RGS7: variants seen among roughly 807,000 people sequenced by gnomAD.
The protein encoded by RGS7 is regulator of G-protein signaling 7.
Under a neutral mutation model 81.1 loss-of-function variants are expected in RGS7, and 27 were observed. That is an observed-to-expected ratio of 0.33 (90% confidence interval 0.25 to 0.46). The LOEUF (loss-of-function observed/expected upper bound fraction) is 0.46, where lower values mean the gene tolerates loss of function less well. Among genes scored for constraint, RGS7 ranks in the 20% least tolerant of loss-of-function variants. RGS7 has a pLI of 1.00. For missense variants in RGS7, 396 were observed against 607.4 expected, an observed-to-expected ratio of 0.65 and a Z score of 3.66; for synonymous variants, 208 against 207.7, an observed-to-expected ratio of 1.00 and a Z score of -0.01.
intron 3 of RGS7, among the ~76,000 whole-genome samples, chr1:240,992,186 A>T (rs1375185628): frequency 6.6e-6 from 1 of 152,200 alleles, no homozygotes; most frequent in Non-Finnish European, 1.5e-5. Context: ...GATTGACAAA[A>T]TGAATGCACT....
intron 4 of RGS7, among the ~76,000 whole-genome samples, chr1:240,956,116 T>C (rs893707756): frequency 1.3e-5 from 2 of 152,154 alleles, no homozygotes; most frequent in Admixed American, 1.3e-4. Flanking sequence ...ACCAGAACAG[T>C]GGAAACACTT....
chr1:241,301,339 T>C (rs1442247781), intron 2 of RGS7, among the ~76,000 whole-genome samples: 2 of 152,240 alleles, frequency 1.3e-5, no homozygotes, highest in Non-Finnish European at 2.9e-5. Flanking sequence ...TGTAAAAGCA[T>C]CAAACGAGTT....
intron 2 of RGS7, among the ~76,000 whole-genome samples, chr1:241,287,503 C>T (rs911709334): frequency 3.3e-5 from 5 of 152,184 alleles, no homozygotes; most frequent in Admixed American, 6.5e-5. Context: ...TGAGGCTTCC[C>T]CAGCCATGTG....
chr1:241,273,052 G>C (rs775402130), intron 2 of RGS7, among the ~76,000 whole-genome samples: 3 of 151,642 alleles, frequency 2.0e-5, no homozygotes, highest in Non-Finnish European at 4.4e-5. Flanking sequence ...TCCATTCCTT[G>C]GTCTGCTTCT....
intron 3 of RGS7, among the ~76,000 whole-genome samples, chr1:241,097,751 G>A (rs1301449567): frequency 2.6e-5 from 4 of 152,164 alleles, no homozygotes; most frequent in African/African-American, 9.7e-5. Context: ...TCAGAGCACA[G>A]AGGCTTATCT....
chr1:241,353,630 CAAGT>C (rs2083383417), intron 2 of RGS7, among the ~76,000 whole-genome samples: 1 of 151,966 alleles, frequency 6.6e-6, no homozygotes, highest in Non-Finnish European at 1.5e-5. Flanking sequence ...CTTTCTTTGA[CAAGT>C]AAGTTATATG....
chr1:240,812,538 G>A (rs1273853895), intron 13 of RGS7, among the ~76,000 whole-genome samples: 4 of 151,486 alleles, frequency 2.6e-5, no homozygotes, highest in Admixed American at 6.6e-5. Context: ...GGGTTCAAGA[G>A]AGTCTCCTGC....
At chr1:241,196,895 T>A (rs2073114082) in intron 2 of RGS7, among the ~76,000 whole-genome samples, 1 of 150,306 alleles carries the variant, frequency 6.7e-6, no homozygotes, top group South Asian at 2.1e-4. Flanking sequence ...TAAGCTAGGG[T>A]AAGCACTAAT....
intron 3 of RGS7, among the ~76,000 whole-genome samples, chr1:241,044,112 GTT>G (rs11355364): frequency 2.0e-4 from 24 of 121,050 alleles, no homozygotes; most frequent in Non-Finnish European, 3.0e-4. Flanking sequence ...TGTTTTTTTT[GTT>G]TTTTTTTTTT....
At chr1:241,307,128 C>G (rs927790843) in intron 2 of RGS7, among the ~76,000 whole-genome samples, 6 of 152,290 alleles carry the variant, frequency 3.9e-5, no homozygotes, top group Admixed American at 3.3e-4. Flanking sequence ...TATGACCATA[C>G]AAAATGCTCT....
At chr1:240,998,786 G>C in intron 3 of RGS7, 1 of 671,058 alleles carries the variant, frequency 1.5e-6, no homozygotes, top group East Asian at 3.4e-5. Flanking sequence ...GCTGGGAGAC[G>C]AAGGCCATGG....
chr1:241,321,448 C>T (rs1056588417), intron 2 of RGS7, among the ~76,000 whole-genome samples: 9 of 152,172 alleles, frequency 5.9e-5, no homozygotes, highest in Non-Finnish European at 1.3e-4. Flanking sequence ...GGGCTCTATG[C>T]ACTCCCACAG....
intron 10 of RGS7, among the ~76,000 whole-genome samples, chr1:240,822,210 C>G (rs985506988): frequency 6.6e-6 from 1 of 152,160 alleles, no homozygotes; most frequent in East Asian, 1.9e-4. Context: ...GATTCTGTCT[C>G]CAGACTGCCT....
At chr1:241,113,713 T>C (rs1466967685) in intron 2 of RGS7, among the ~76,000 whole-genome samples, 2 of 152,188 alleles carry the variant, frequency 1.3e-5, no homozygotes, top group African/African-American at 2.4e-5. Flanking sequence ...TTAGCCTCTC[T>C]GGGCTAGGTC....
chr1:241,196,740 T>C (rs1212099609), intron 2 of RGS7, among the ~76,000 whole-genome samples: 2 of 152,102 alleles, frequency 1.3e-5, no homozygotes, highest in Non-Finnish European at 2.9e-5. Context: ...GATTCTTAAG[T>C]ATTTAGAAAA....
At chr1:240,854,150 G>C (rs905942634) in intron 9 of RGS7, among the ~76,000 whole-genome samples, 2 of 151,964 alleles carry the variant, frequency 1.3e-5, no homozygotes, top group African/African-American at 4.8e-5. Context: ...TCACACCCTG[G>C]TCTTAAATAC....
At chr1:241,249,641 T>C (rs2076732050) in intron 2 of RGS7, among the ~76,000 whole-genome samples, 1 of 152,176 alleles carries the variant, frequency 6.6e-6, no homozygotes, top group Admixed American at 6.5e-5. Context: ...GCAATGAATC[T>C]ATAGATCTTT....
intron 10 of RGS7, 141 bp from the exon 11 acceptor site, chr1:240,816,556 A>T: frequency 1.6e-6 from 1 of 633,244 alleles, no homozygotes; most frequent in East Asian, 2.8e-5. Flanking sequence ...TTCAAAAGGC[A>T]CTGCTAAGAT....
chr1:241,001,583 C>A (rs1480742375), intron 3 of RGS7, among the ~76,000 whole-genome samples: 2 of 151,976 alleles, frequency 1.3e-5, no homozygotes, highest in African/African-American at 2.4e-5. Context: ...TATACCCAGA[C>A]AACAAAACAT....
Sources: allele counts gnomAD v4.1 joint callset (sites outside exome capture counted in the v4.1 genomes callset), GRCh38; gene constraint gnomAD v4.1.1; transcripts MANE v1.5; gene names NCBI Gene and HGNC (gene_info 2026-07-23, HGNC 2026-07-21).